Variants in VAV3 observed in about 807,000 individuals in gnomAD.
VAV3 encodes vav guanine nucleotide exchange factor 3, also known as guanine nucleotide exchange factor VAV3.
Under a neutral mutation model 131.2 loss-of-function variants are expected in VAV3, and 94 were observed. That is an observed-to-expected ratio of 0.72 (90% CI 0.61 to 0.85). VAV3 has a LOEUF of 0.85. Ranked by LOEUF, VAV3 falls within the 40% of genes least tolerant of loss-of-function variation. VAV3 has a pLI of 0.00. For missense variants in VAV3, 939 were observed against 1,002.7 expected, an observed-to-expected ratio of 0.94 and a Z score of 0.86; for synonymous variants, 349 against 342.0, an observed-to-expected ratio of 1.02 and a Z score of -0.22.
intron 22 of VAV3, 27 bp from the exon 23 acceptor site, chr1:107,603,190 T>C (rs756554839): frequency 1.9e-6 from 3 of 1,565,020 alleles, no homozygotes; most frequent in Admixed American, 1.7e-5. Context: ...CACAGAAAAT[T>C]TGGATAATAT....
intron 19 of VAV3, among the ~76,000 whole-genome samples, chr1:107,661,531 C>T (rs182766648): frequency 1.5e-3 from 230 of 152,088 alleles, no homozygotes; most frequent in African/African-American, 5.2e-3. Flanking sequence ...TTGCTTTCTC[C>T]CCACTTGAAT....
chr1:107,923,914 C>T (rs977246092), intron 1 of VAV3, among the ~76,000 whole-genome samples: 25 of 152,088 alleles, frequency 1.6e-4, no homozygotes, highest in African/African-American at 5.8e-4. Flanking sequence ...AGGAAACAGG[C>T]CCTTACCAGA....
At chr1:107,798,090 T>A (rs936896706) in intron 2 of VAV3, among the ~76,000 whole-genome samples, 2 of 152,176 alleles carry the variant, frequency 1.3e-5, no homozygotes, top group Non-Finnish European at 2.9e-5. Flanking sequence ...ATCTTGACTT[T>A]AAAAAAATAA....
intron 1 of VAV3, among the ~76,000 whole-genome samples, chr1:107,950,884 G>A (rs1410382079): frequency 6.6e-6 from 1 of 152,174 alleles, no homozygotes; most frequent in African/African-American, 2.4e-5. Context: ...CTAGAGGTTA[G>A]AGAGAGGAGA....
At chr1:107,874,408 T>C (rs571535081) in intron 2 of VAV3, among the ~76,000 whole-genome samples, 19 of 152,316 alleles carry the variant, frequency 1.2e-4, no homozygotes, top group African/African-American at 4.1e-4. Flanking sequence ...TTGTGATTCA[T>C]GTCTTCTCTG....
chr1:107,846,011 G>A (rs1668949977), intron 2 of VAV3, among the ~76,000 whole-genome samples: 1 of 152,060 alleles, frequency 6.6e-6, no homozygotes, highest in South Asian at 2.1e-4. Context: ...GATCCCCAAG[G>A]CAGAAATGAA....
chr1:107,660,452 A>T (rs1656927450), intron 19 of VAV3, among the ~76,000 whole-genome samples: 1 of 152,182 alleles, frequency 6.6e-6, no homozygotes, highest in African/African-American at 2.4e-5. Flanking sequence ...ATAGACATCC[A>T]TCTATTTCTT....
chr1:107,664,371 T>A (rs1657261301), intron 19 of VAV3, among the ~76,000 whole-genome samples: 1 of 150,968 alleles, frequency 6.6e-6, no homozygotes, highest in South Asian at 2.1e-4. Context: ...AAGGCCCCAG[T>A]GTGTGTTGTT....
intron 17 of VAV3, among the ~76,000 whole-genome samples, chr1:107,698,419 C>G (rs1557771744): frequency 6.6e-6 from 1 of 152,042 alleles, no homozygotes; most frequent in Non-Finnish European, 1.5e-5. Context: ...GATTTTTGCC[C>G]AACTGTATTT....
chr1:107,868,028 A>G (rs1341092820), intron 2 of VAV3, among the ~76,000 whole-genome samples: 1 of 152,170 alleles, frequency 6.6e-6, no homozygotes, highest in East Asian at 1.9e-4. Context: ...AGGGCTGAAA[A>G]TACAAGGGCA....
intron 1 of VAV3, among the ~76,000 whole-genome samples, chr1:107,898,330 C>A (rs1571111798): frequency 2.0e-5 from 3 of 151,972 alleles, no homozygotes; most frequent in Admixed American, 2.0e-4. Flanking sequence ...AAGAATTCTA[C>A]AAATATGAAA....
chr1:107,668,397 TGTCACAACTCTCAGTGTA>T (rs1343965371), intron 19 of VAV3, among the ~76,000 whole-genome samples: 1 of 152,226 alleles, frequency 6.6e-6, no homozygotes, highest in African/African-American at 2.4e-5. Flanking sequence ...TTTGGACACC[TGTCACAACTCTCAGTGTA>T]GCTTCCTCAT....
intron 18 of VAV3, among the ~76,000 whole-genome samples, chr1:107,687,120 A>G (rs368332084): frequency 1.2e-4 from 19 of 152,272 alleles, no homozygotes; most frequent in African/African-American, 4.6e-4. Flanking sequence ...ACACTAAAGG[A>G]ACTCTTTGGT....
intron 1 of VAV3, among the ~76,000 whole-genome samples, chr1:107,927,908 A>G (rs528353393): frequency 1.3e-5 from 2 of 152,200 alleles, no homozygotes; most frequent in South Asian, 4.1e-4. Context: ...TGATGGTAGG[A>G]CACCAGGGCC....
At chr1:107,853,549 A>G (rs1302016723) in intron 2 of VAV3, among the ~76,000 whole-genome samples, 2 of 152,020 alleles carry the variant, frequency 1.3e-5, no homozygotes, top group Non-Finnish European at 2.9e-5. Context: ...TTCTATACTC[A>G]GAAAGATCCT....
chr1:107,745,632 T>C (rs1663296081), intron 15 of VAV3, among the ~76,000 whole-genome samples: 1 of 152,240 alleles, frequency 6.6e-6, no homozygotes, highest in Admixed American at 6.5e-5. Flanking sequence ...TTAGTGTTCA[T>C]GCTTTTCCAT....
chr1:107,881,839 T>A (rs1670797070), intron 1 of VAV3, among the ~76,000 whole-genome samples: 1 of 152,174 alleles, frequency 6.6e-6, no homozygotes, highest in Admixed American at 6.5e-5. Context: ...AGCCTCCTGT[T>A]ACCACTTTAA....
intron 17 of VAV3, among the ~76,000 whole-genome samples, chr1:107,696,658 A>C (rs1659767092): frequency 6.6e-6 from 1 of 152,164 alleles, no homozygotes; most frequent in Non-Finnish European, 1.5e-5. Context: ...CTATGATTTA[A>C]TATTAAGGGG....
In VAV3 at chr1:107,574,146, T is replaced by C. The variant is rs756854628; in HGVS notation, c.2403A>G (p.Ala801=). The C allele has an allele frequency of 6.2e-7, 1 of 1,614,122 alleles. No homozygotes were observed. The highest frequency in any genetic ancestry group is 1.7e-5 in the Admixed American group (1 of 60,022). The change falls in exon 26 of 27, where the codon GCA becomes GCG. Residue 801 remains alanine (A), a synonymous_variant. Coordinates refer to ENST00000370056, the MANE Select transcript of VAV3 (RefSeq NM_006113.5). ...ACAAGGACAACTCTCTCATATCTCTTGCACAGAAGTCATACCGAGCGATGG... is the reference window on the plus strand; with the variant it reads ...ACAAGGACAACTCTCTCATATCTCTCGCACAGAAGTCATACCGAGCGATGG... ...GIAIARYDFC[A]RDMRELSLLK... is the part of the protein sequence containing the mutation.
Sources: allele counts gnomAD v4.1 joint callset (sites outside exome capture counted in the v4.1 genomes callset), GRCh38; gene constraint gnomAD v4.1.1; transcripts MANE v1.5; gene names NCBI Gene and HGNC (gene_info 2026-07-23, HGNC 2026-07-21).